BLTP3B: variants seen among roughly 807,000 people sequenced by gnomAD.
The protein encoded by BLTP3B is bridge-like lipid transfer protein family member 3B.
chr12:100,045,993 C>T, the BLTP3B span, among the ~76,000 whole-genome samples: 1 of 152,202 alleles, frequency 6.6e-6, no homozygotes, highest in Non-Finnish European at 1.5e-5. Context: ...CATCACTGGT[C>T]ATCACAGAAA....
the BLTP3B span, among the ~76,000 whole-genome samples, chr12:100,118,220 T>C: frequency 3.3e-5 from 5 of 152,098 alleles, no homozygotes; most frequent in African/African-American, 7.2e-5. Context: ...CGGTGGCTTA[T>C]GCCTCTCCAA....
At chr12:100,135,277 C>CTTTTTT in the BLTP3B span, among the ~76,000 whole-genome samples, 8 of 116,336 alleles carry the variant, frequency 6.9e-5, no homozygotes, top group African/African-American at 3.8e-4. Context: ...TTTTTTCTTT[C>CTTTTTT]TTTCTTTTTT....
the BLTP3B span, among the ~76,000 whole-genome samples, chr12:100,083,641 G>A: frequency 4.6e-5 from 7 of 150,858 alleles, no homozygotes; most frequent in South Asian, 2.1e-4. Flanking sequence ...AGTGTTATAC[G>A]TTTGTATACA....
chr12:100,102,903 G>A, the BLTP3B span: 31 of 1,120,486 alleles, frequency 2.8e-5, no homozygotes, highest in Middle Eastern at 2.6e-4. Context: ...TTTATTCTAC[G>A]TATATTATTA....
chr12:100,097,016 G>T, the BLTP3B span, among the ~76,000 whole-genome samples: 550 of 152,130 alleles, frequency 3.6e-3, 5 homozygotes, highest in African/African-American at 0.012. Context: ...GGAGGTCAAG[G>T]TTTCAGTGAG....
At chr12:100,047,515 G>GT in the BLTP3B span, 1 of 1,569,220 alleles carries the variant, frequency 6.4e-7, no homozygotes, top group Non-Finnish European at 8.8e-7. Flanking sequence ...TAAACAAATA[G>GT]TTTTTCATAT....
At chr12:100,110,641 T>C in the BLTP3B span, among the ~76,000 whole-genome samples, 3 of 152,088 alleles carry the variant, frequency 2.0e-5, no homozygotes, top group Admixed American at 2.0e-4. Context: ...GCAGGAGTTC[T>C]AATCCAGAGC....
chr12:100,039,305 TTAAG>T, the BLTP3B span, among the ~76,000 whole-genome samples: 348 of 151,992 alleles, frequency 2.3e-3, 3 homozygotes, highest in African/African-American at 8.0e-3. Flanking sequence ...TGTTAAACAA[TTAAG>T]TAAAATTATA....
At chr12:100,083,056 C>T in the BLTP3B span, 672 of 1,613,712 alleles carry the variant, frequency 4.2e-4, 2 homozygotes, top group African/African-American at 7.7e-3. Flanking sequence ...CACAACAGAA[C>T]TAGACATTAG....
chr12:100,050,195 G>A, the BLTP3B span: 19 of 1,567,438 alleles, frequency 1.2e-5, no homozygotes, highest in African/African-American at 2.8e-5. Context: ...AGGTAATGCC[G>A]AAGGCTGATA....
chr12:100,132,950 A>G, the BLTP3B span, among the ~76,000 whole-genome samples: 7 of 151,788 alleles, frequency 4.6e-5, no homozygotes, highest in Non-Finnish European at 8.8e-5. Context: ...CTGTCTCAAA[A>G]ATAAATAAAT....
chr12:100,122,444 C>A, the BLTP3B span, among the ~76,000 whole-genome samples: 3 of 152,248 alleles, frequency 2.0e-5, no homozygotes, highest in East Asian at 5.8e-4. Flanking sequence ...GGATCAGTTA[C>A]CATTCCATTA....
chr12:100,059,599 A>C, the BLTP3B span: 1,899 of 1,466,170 alleles, frequency 1.3e-3, 16 homozygotes, highest in Non-Finnish European at 6.2e-4. Context: ...ATAAAAGAAC[A>C]TGACTTAGCT....
the BLTP3B span, among the ~76,000 whole-genome samples, chr12:100,116,033 G>A: frequency 1.3e-5 from 2 of 152,010 alleles, no homozygotes; most frequent in South Asian, 4.1e-4. Context: ...TTAGCTGGGT[G>A]TGGTGGTGCA....
the BLTP3B span, among the ~76,000 whole-genome samples, chr12:100,111,001 T>C: frequency 6.6e-6 from 1 of 152,096 alleles, no homozygotes; most frequent in Non-Finnish European, 1.5e-5. Flanking sequence ...AACACCTTGA[T>C]TGGGTATGTA....
At chr12:100,111,277 A>AT in the BLTP3B span, among the ~76,000 whole-genome samples, 4,021 of 94,714 alleles carry the variant, frequency 0.042, 184 homozygotes, top group South Asian at 0.072. Context: ...GGGGTTTTAG[A>AT]TTTTTTTTTT....
At chr12:100,113,292 G>A in the BLTP3B span, among the ~76,000 whole-genome samples, 5 of 151,748 alleles carry the variant, frequency 3.3e-5, no homozygotes, top group African/African-American at 9.7e-5. Context: ...CCTGGCCAAC[G>A]TGGCGAAACC....
the BLTP3B span, chr12:100,050,315 A>G: frequency 6.3e-7 from 1 of 1,598,324 alleles, no homozygotes; most frequent in Admixed American, 1.8e-5. Context: ...ACCACAACGG[A>G]CATCTATTAA....
the BLTP3B span, chr12:100,142,670 G>C: frequency 6.3e-7 from 1 of 1,598,048 alleles, no homozygotes; most frequent in Middle Eastern, 1.7e-4. Flanking sequence ...GTCTCGTCCT[G>C]TTGCTCACTG....
Sources: allele counts gnomAD v4.1 joint callset (sites outside exome capture counted in the v4.1 genomes callset), GRCh38; gene constraint gnomAD v4.1.1; transcripts MANE v1.5; gene names NCBI Gene and HGNC (gene_info 2026-07-23, HGNC 2026-07-21).